The following NBPF11 variants were observed in gnomAD, a reference collection of about 807,000 sequenced individuals.
NBPF11 encodes the protein NBPF member 11, also known as NBPF family member NBPF11.
A neutral mutation model predicts 93.9 loss-of-function variants in NBPF11; 72 were observed. The ratio of observed to expected loss-of-function variants is 0.77; its 90% CI spans 0.63 to 0.93. NBPF11 has a LOEUF of 0.93. NBPF11 is among the 40% of genes least tolerant of loss of function. The probability of loss-of-function intolerance (pLI) is 0.00; values close to 1 mark genes in which losing one functional copy is unlikely to be tolerated. For missense variants in NBPF11, 705 were observed against 802.2 expected (o/e 0.88, Z 1.46); for synonymous variants, 224 against 304.9 (o/e 0.73, Z 2.76).
intron 1 of NBPF11, among the ~76,000 whole-genome samples, chr1:148,151,547 G>A (rs1170554133): frequency 6.6e-6 from 1 of 152,004 alleles, no homozygotes; most frequent in Non-Finnish European, 1.5e-5. Context: ...CGAGAGGAGG[G>A]CTGCGGGCTG....
intron 6 of NBPF11, 38 bp from the exon 7 acceptor site, chr1:148,124,105 G>T (rs1233272985): frequency 1.7e-5 from 27 of 1,609,754 alleles, no homozygotes; most frequent in Non-Finnish European, 2.3e-5. Flanking sequence ...ACAGTGAAAA[G>T]CATTGAGTGA....
chr1:148,126,810 G>T lies in NBPF11; in HGVS notation c.175+19C>A. On this transcript the variant is annotated intron_variant, in intron 5 of 23. Transcript: ENST00000682118. ...TCTCACATTCATCACTTTCATGATGGTGAGCCTATAGATCTTACTGTATTT... is the reference window on the plus strand; with the variant it reads ...TCTCACATTCATCACTTTCATGATGTTGAGCCTATAGATCTTACTGTATTT... 1.9e-6 allele frequency: 3 copies of T among 1,597,534 alleles called. No individual in the cohort carries two copies. Among genetic ancestry groups the T allele is most frequent in the Non-Finnish European group, 2.6e-6 (3 of 1,170,186 alleles).
intron 4 of NBPF11, among the ~76,000 whole-genome samples, chr1:148,132,907 C>A (rs1222736079): frequency 1.4e-5 from 2 of 139,404 alleles, no homozygotes; most frequent in African/African-American, 5.5e-5. Flanking sequence ...CATGCCACCA[C>A]GCCTAGCTAA....
chr1:148,122,287 G>C (rs1370243550), intron 8 of NBPF11, 21 bp from the exon 9 acceptor site: 1 of 1,609,606 alleles, frequency 6.2e-7, no homozygotes, highest in East Asian at 2.2e-5. Flanking sequence ...AGGTGGGACA[G>C]AGATGACAGA....
Position 148,124,832 on chromosome 1 carries a change from G to C in NBPF11, c.278+67C>G, listed in dbSNP as rs1341133673. The C allele has an allele frequency of 1.3e-5, 20 of 1,548,586 alleles. No individual in the cohort carries two copies. The East Asian group carries it at 3.9e-4, about 30-fold the overall frequency. ...CCCAGCTTCGTTCTTACTTCTCCCC[G>C]CCGAGCTGCTGTACTTCAGAGATCT... On this transcript the variant is annotated intron_variant, in intron 6 of 23. Coordinates refer to ENST00000682118, the MANE Select transcript of NBPF11 (RefSeq NM_001385469.3).
At chr1:148,146,168 G>C (rs1292110562) in intron 1 of NBPF11, among the ~76,000 whole-genome samples, 3 of 151,676 alleles carry the variant, frequency 2.0e-5, no homozygotes, top group Non-Finnish European at 4.4e-5. Flanking sequence ...GGCTTCCCAC[G>C]GCACGACATG....
At chr1:148,149,114 T>TTC in intron 1 of NBPF11, 2 of 1,543,454 alleles carry the variant, frequency 1.3e-6, no homozygotes, top group South Asian at 1.2e-5. Flanking sequence ...GTGGGAAGGG[T>TTC]GCGCGCGCGT....
intron 1 of NBPF11, among the ~76,000 whole-genome samples, chr1:148,146,194 G>A (rs1167465792): frequency 6.6e-6 from 1 of 151,762 alleles, no homozygotes; most frequent in African/African-American, 2.4e-5. Context: ...CTGTGGTTGC[G>A]AGGCTCCCTG....
At chr1:148,126,125 C>G (rs1445060613) in intron 5 of NBPF11, among the ~76,000 whole-genome samples, 1 of 151,694 alleles carries the variant, frequency 6.6e-6, no homozygotes, top group Non-Finnish European at 1.5e-5. Context: ...CTCAGCCTCC[C>G]GATTAGTGGT....
At chr1:148,115,064 C>G (rs1666146310) in intron 14 of NBPF11, among the ~76,000 whole-genome samples, 1 of 129,472 alleles carries the variant, frequency 7.7e-6, no homozygotes, top group Non-Finnish European at 1.6e-5. Flanking sequence ...ACTCAGGAGG[C>G]TGAGGCAGGA....
intron 16 of NBPF11, 144 bp from the exon 17 acceptor site, chr1:148,109,479 C>T (rs1371423882): frequency 2.8e-6 from 2 of 720,816 alleles, no homozygotes; most frequent in African/African-American, 1.9e-5. Flanking sequence ...TCCAGTAGGC[C>T]TGAGGTCAAG....
At chr1:148,135,937 G>C (rs1427926958) in intron 3 of NBPF11, 124 bp from the exon 4 acceptor site, 1 of 699,748 alleles carries the variant, frequency 1.4e-6, no homozygotes, top group African/African-American at 1.8e-5. Flanking sequence ...AGCTCATACT[G>C]GTCACAGGAT....
Position 148,102,586 on chromosome 1 carries a change from A to ATTTT in NBPF11, c.*1309_*1310insAAAA. On this transcript the variant is annotated 3_prime_UTR_variant, in exon 24 of 24. Transcript: ENST00000682118. ...TTGTCTCTGCAGTGTTCCCGTCAAA[A>ATTTT]AGTTTAGGCTGAATTTAATTATGAA... 2 of 151,150 alleles carry ATTTT rather than the reference A, an allele frequency of 1.3e-5. No individual in the cohort carries two copies. The highest frequency in any genetic ancestry group is 4.9e-5 in the African/African-American group (2 of 40,540). 9.4% of individuals were successfully genotyped at this position (151,150 alleles called of 1,614,324 possible).
At chr1:148,148,420 G>A (rs1423672361) in intron 1 of NBPF11, among the ~76,000 whole-genome samples, 136 of 152,238 alleles carry the variant, frequency 8.9e-4, no homozygotes, top group Admixed American at 8.2e-3. Flanking sequence ...GCACGAGGAG[G>A]CCTTGTAACT....
chr1:148,103,736 C>G lies in NBPF11; in HGVS notation c.*160G>C. 1.2e-6 allele frequency: 2 copies of G among 1,611,610 alleles called. No individual in the cohort carries two copies. Among genetic ancestry groups the G allele is most frequent in the Non-Finnish European group, 1.7e-6 (2 of 1,179,386 alleles). ...ACTTCTCACCGTCAAAGTAAAAAAC[C>G]TATTGTCCATGTCAAGGGCAAAGCT... is the stretch of plus-strand genomic sequence containing the variant. On this transcript the variant is annotated 3_prime_UTR_variant, in exon 24 of 24. Transcript: ENST00000682118.
At chr1:148,149,187 T>A in intron 1 of NBPF11, 2 of 1,584,174 alleles carry the variant, frequency 1.3e-6, no homozygotes, top group African/African-American at 1.4e-5. Context: ...GACAGCATCA[T>A]CCTGTACGGG....
At chr1:148,136,067 T>C (rs1671224248) in intron 3 of NBPF11, among the ~76,000 whole-genome samples, 1 of 151,942 alleles carries the variant, frequency 6.6e-6, no homozygotes, top group Non-Finnish European at 1.5e-5. Context: ...ATTACATGTA[T>C]ATAGAGAGGC....
chr1:148,132,957 A>G (rs1167873257), intron 4 of NBPF11, among the ~76,000 whole-genome samples: 2 of 145,908 alleles, frequency 1.4e-5, no homozygotes, highest in African/African-American at 5.2e-5. Flanking sequence ...TCACTGTGTT[A>G]GGCATGATGG....
rs1452525697 is a variant in NBPF11, at chr1:148,147,506, C to T, written c.-548-3820G>A. ...CCCTGTGCTTGCCTGGGCCCTTCAC[C>T]GGTGTTTGAGCAGCGCCCGGGCCAG... On this transcript the variant is annotated intron_variant, in intron 1 of 23. Transcript: ENST00000682118. Among the ~76,000 whole-genome samples the T allele has an allele frequency of 4.6e-5, 7 of 151,986 alleles. 1 individual carries two copies. Among genetic ancestry groups the T allele is most frequent in the African/African-American group, 1.7e-4 (7 of 41,246 alleles).
Sources: gnomAD v4.1 joint callset for allele counts (sites outside exome capture counted in the v4.1 genomes callset) on GRCh38, gnomAD v4.1.1 for gene constraint, MANE v1.5 for transcripts, NCBI Gene and HGNC (gene_info 2026-07-23, HGNC 2026-07-21) for gene names.